Variants in MGRN1 observed in about 807,000 individuals in gnomAD.
MGRN1 encodes mahogunin ring finger 1.
Under a neutral mutation model 69.2 loss-of-function variants are expected in MGRN1, and 29 were observed. That is an observed-to-expected ratio of 0.42 (90% CI 0.31 to 0.57). The LOEUF (loss-of-function observed/expected upper bound fraction) is 0.57, where lower values mean the gene tolerates loss of function less well. Among genes scored for constraint, MGRN1 ranks in the 20% least tolerant of loss-of-function variants. The probability of loss-of-function intolerance (pLI) is 0.15; values close to 1 mark genes in which losing one functional copy is unlikely to be tolerated. For synonymous variants in MGRN1, 470 were observed against 344.2 expected (o/e 1.37, Z -4.04); for missense variants, 998 against 796.2 (o/e 1.25, Z -3.05).
chr16:4,628,079 CAA>C (rs747646208), intron 1 of MGRN1, among the ~76,000 whole-genome samples: 14 of 57,990 alleles, frequency 2.4e-4, no homozygotes, highest in Non-Finnish European at 2.4e-4. Flanking sequence ...GACTCCGTCT[CAA>C]AAAAAAAAAA....
At position 4,627,554 on chromosome 16, in the gene MGRN1, A is replaced by G. The variant is rs555625378; in HGVS notation, c.88+2506A>G. Among the ~76,000 whole-genome samples, 1,134 of 148,190 alleles carry G rather than the reference A, an allele frequency of 7.7e-3. 12 individuals are homozygous for G. Among genetic ancestry groups the G allele is most frequent in the African/African-American group, 0.025 (992 of 39,880 alleles). On this transcript the variant is annotated intron_variant, in intron 1 of 16. Coordinates refer to ENST00000262370, the MANE Select transcript of MGRN1 (RefSeq NM_015246.4). ...TATAATCCCATCACTTTGGGAGGCCAAGGCGGGCGGATCACAAGGTCAGGA... is the reference window on the plus strand; with the variant it reads ...TATAATCCCATCACTTTGGGAGGCCGAGGCGGGCGGATCACAAGGTCAGGA...
chr16:4,655,344 C>T (rs553326535), intron 4 of MGRN1, among the ~76,000 whole-genome samples: 3 of 152,324 alleles, frequency 2.0e-5, no homozygotes, highest in Non-Finnish European at 2.9e-5. Flanking sequence ...GGGTGCCCTG[C>T]CAGCCCTGGC....
intron 1 of MGRN1, among the ~76,000 whole-genome samples, chr16:4,645,501 A>G (rs1423725384): frequency 6.6e-6 from 1 of 152,180 alleles, no homozygotes; most frequent in African/African-American, 2.4e-5. Context: ...AAAACTACAT[A>G]CAGTAAGATC....
At chr16:4,655,232 C>T (rs745878165) in intron 4 of MGRN1, among the ~76,000 whole-genome samples, 9 of 152,156 alleles carry the variant, frequency 5.9e-5, no homozygotes, top group Non-Finnish European at 7.4e-5. Flanking sequence ...GTTGTCTATC[C>T]GCTGCCCCCC....
intron 1 of MGRN1, chr16:4,640,681 G>T (rs1331181251): frequency 6.6e-6 from 1 of 152,404 alleles, no homozygotes; most frequent in South Asian, 2.1e-4. Context: ...CGGGCTCTGT[G>T]AGCCCACAGG....
intron 1 of MGRN1, among the ~76,000 whole-genome samples, chr16:4,645,307 C>T (rs1205301308): frequency 6.6e-6 from 1 of 152,050 alleles, no homozygotes; most frequent in African/African-American, 2.4e-5. Flanking sequence ...GCTAGGACTA[C>T]AGGCATGCGC....
chr16:4,635,935 C>G (rs997255511), intron 1 of MGRN1, among the ~76,000 whole-genome samples: 1 of 150,992 alleles, frequency 6.6e-6, no homozygotes, highest in South Asian at 2.1e-4. Context: ...ATGTGACTAC[C>G]GTGCCCGGCC....
intron 1 of MGRN1, among the ~76,000 whole-genome samples, chr16:4,632,991 G>A (rs1898086482): frequency 6.6e-6 from 1 of 152,198 alleles, no homozygotes; most frequent in African/African-American, 2.4e-5. Flanking sequence ...GCTGAGGTGG[G>A]AGGATTGCTT....
In MGRN1 at chr16:4,664,773, A is replaced by C; in HGVS notation, c.626A>C (p.Asp209Ala). 2 of 1,614,018 alleles carry C rather than the reference A, an allele frequency of 1.2e-6. No individual in the cohort carries two copies. The highest frequency in any genetic ancestry group is 1.3e-5 in the African/African-American group (1 of 74,986). The change falls in exon 6 of 17, where the codon GAT becomes GCT. Residue 209 changes from aspartate to alanine, a missense_variant and splice_region_variant. Asp to Ala is a moderately radical substitution (Grantham distance 126). Coordinates refer to ENST00000262370, the MANE Select transcript of MGRN1 (RefSeq NM_015246.4). Reference sequence around the variant, plus strand: ...ATCCAGGCTGTGGTGGACGAAGGAGATGGTGAGTGCGTCCTCTTCCGTCCT... The same window carrying C: ...ATCCAGGCTGTGGTGGACGAAGGAGCTGGTGAGTGCGTCCTCTTCCGTCCT... ...VVIQAVVDEG[D>A]VVEVTGHAHV...
At chr16:4,662,841 G>A (rs2141916926) in intron 5 of MGRN1, among the ~76,000 whole-genome samples, 1 of 152,322 alleles carries the variant, frequency 6.6e-6, no homozygotes, top group South Asian at 2.1e-4. Flanking sequence ...AGGGGCGGGT[G>A]CTTGGCTGCG....
At chr16:4,688,708 G>A (rs933795662) in intron 16 of MGRN1, 88 bp from the exon 17 acceptor site, 8 of 1,472,542 alleles carry the variant, frequency 5.4e-6, no homozygotes, top group East Asian at 2.5e-5. Flanking sequence ...GGATGGCCCA[G>A]CCCCTCTGGG....
intron 5 of MGRN1, among the ~76,000 whole-genome samples, chr16:4,657,967 C>T (rs983140611): frequency 6.6e-6 from 1 of 151,322 alleles, no homozygotes; most frequent in Non-Finnish European, 1.5e-5. Flanking sequence ...TGGTCTTGAT[C>T]TCCTGACCTT....
intron 1 of MGRN1, chr16:4,639,670 G>C (rs1308261174): frequency 6.6e-6 from 1 of 152,266 alleles, no homozygotes; most frequent in Admixed American, 6.5e-5. Flanking sequence ...CCGTATTGGG[G>C]GTGTGGAGGA....
At chr16:4,668,352 G>A (rs1394036522) in intron 8 of MGRN1, 40 bp downstream of exon 8, 1 of 1,604,778 alleles carries the variant, frequency 6.2e-7, no homozygotes, top group African/African-American at 1.3e-5. Flanking sequence ...TGAATTAAAA[G>A]ACACACATAT....
At chr16:4,685,519 T>TCCTGGGC (rs1331974677) in intron 16 of MGRN1, among the ~76,000 whole-genome samples, 4 of 152,308 alleles carry the variant, frequency 2.6e-5, no homozygotes, top group Non-Finnish European at 5.9e-5. Flanking sequence ...TGAGGTGAAC[T>TCCTGGGC]CCTGGGCCCT....
chr16:4,685,312 G>C (rs1041848489), intron 16 of MGRN1, among the ~76,000 whole-genome samples: 4 of 152,214 alleles, frequency 2.6e-5, no homozygotes, highest in Non-Finnish European at 5.9e-5. Context: ...CAGAGGCTGC[G>C]CCTCCCCTCT....
At chr16:4,669,535 G>C (rs111789595) in intron 8 of MGRN1, among the ~76,000 whole-genome samples, 4 of 151,646 alleles carry the variant, frequency 2.6e-5, no homozygotes, top group African/African-American at 9.7e-5. Flanking sequence ...TATGTTTTGC[G>C]TGCCCGCCAT....
Position 4,648,327 on chromosome 16 carries a change from C to T in MGRN1, c.89-2038C>T, listed in dbSNP as rs1290186544. Among the ~76,000 whole-genome samples the T allele has an allele frequency of 1.1e-4, 15 of 139,994 alleles. 2 individuals are homozygous for T. Among genetic ancestry groups the T allele is most frequent in the East Asian group, 2.1e-4 (1 of 4,728 alleles). 91.8% of individuals were successfully genotyped at this position (139,994 alleles called of 152,430 possible). On this transcript the variant is annotated intron_variant, in intron 1 of 16. Transcript: ENST00000262370. ...CCCGCGGGCTCTTCCCGTGGTCACCCGGCTCCTCCTCTCGGGGACTCTTCC... is the reference window on the plus strand; with the variant it reads ...CCCGCGGGCTCTTCCCGTGGTCACCTGGCTCCTCCTCTCGGGGACTCTTCC...
At chr16:4,625,308 C>T (rs1331438266) in intron 1 of MGRN1, among the ~76,000 whole-genome samples, 1 of 152,196 alleles carries the variant, frequency 6.6e-6, no homozygotes, top group African/African-American at 2.4e-5. Flanking sequence ...CCGGGCACCT[C>T]AGCTCCGTCC....
Sources: allele counts gnomAD v4.1 joint callset (sites outside exome capture counted in the v4.1 genomes callset), GRCh38; gene constraint gnomAD v4.1.1; transcripts MANE v1.5; gene names NCBI Gene and HGNC (gene_info 2026-07-23, HGNC 2026-07-21).